The following SUPT3H variants were observed in gnomAD, a reference collection of about 807,000 sequenced individuals.
The protein encoded by SUPT3H is transcription initiation protein SPT3 homolog.
Under a neutral mutation model 44.3 loss-of-function variants are expected in SUPT3H, and 44 were observed. The ratio of observed to expected loss-of-function variants is 0.99; its 90% CI spans 0.78 to 1.28. SUPT3H has a LOEUF of 1.28. Among genes scored for constraint, SUPT3H ranks in the 50% most tolerant of loss-of-function variants. The probability of loss-of-function intolerance (pLI) is 0.00; values close to 1 mark genes in which losing one functional copy is unlikely to be tolerated. For missense variants in SUPT3H, 380 were observed against 387.1 expected, an observed-to-expected ratio of 0.98 and a Z score of 0.15; for synonymous variants, 124 against 125.6, an observed-to-expected ratio of 0.99 and a Z score of 0.09.
At chr6:45,167,965 C>A (rs1013911766) in intron 2 of SUPT3H, among the ~76,000 whole-genome samples, 5 of 152,114 alleles carry the variant, frequency 3.3e-5, no homozygotes, top group South Asian at 4.2e-4. Flanking sequence ...GAATGTGCTA[C>A]CATGTCTGGC....
chr6:44,853,953 C>T (rs1281712043), intron 10 of SUPT3H, among the ~76,000 whole-genome samples: 1 of 150,994 alleles, frequency 6.6e-6, no homozygotes, highest in Non-Finnish European at 1.5e-5. Context: ...TTTCCTGCAT[C>T]AGCTGGTTCT....
chr6:45,110,841 C>A (rs1389393261), intron 2 of SUPT3H, among the ~76,000 whole-genome samples: 1 of 152,112 alleles, frequency 6.6e-6, no homozygotes, highest in African/African-American at 2.4e-5. Context: ...GAAAGGCAGT[C>A]AACTCCAAAC....
chr6:45,339,831 G>C (rs1317129747), intron 2 of SUPT3H, among the ~76,000 whole-genome samples: 1 of 151,938 alleles, frequency 6.6e-6, no homozygotes, highest in Non-Finnish European at 1.5e-5. Context: ...AATTTTTATA[G>C]AGTATACCTT....
At chr6:45,191,583 T>C (rs913130488) in intron 2 of SUPT3H, among the ~76,000 whole-genome samples, 1 of 152,070 alleles carries the variant, frequency 6.6e-6, no homozygotes, top group Non-Finnish European at 1.5e-5. Flanking sequence ...AACATATCAA[T>C]ATTGGCTCAA....
chr6:45,273,178 T>C (rs1776480916), intron 2 of SUPT3H, among the ~76,000 whole-genome samples: 1 of 152,228 alleles, frequency 6.6e-6, no homozygotes, highest in Non-Finnish European at 1.5e-5. Context: ...TTGAGATATC[T>C]ATGGTATTGG....
At chr6:44,871,126 C>T (rs956370187) in intron 10 of SUPT3H, among the ~76,000 whole-genome samples, 17 of 150,232 alleles carry the variant, frequency 1.1e-4, no homozygotes, top group African/African-American at 3.7e-4. Flanking sequence ...CCGGGAAGCT[C>T]GAACTGGGTG....
intron 2 of SUPT3H, among the ~76,000 whole-genome samples, chr6:45,354,971 T>C (rs1479791305): frequency 3.9e-5 from 6 of 152,108 alleles, no homozygotes; most frequent in Non-Finnish European, 8.8e-5. Flanking sequence ...AAAGCCTTAA[T>C]AGCACTTTGA....
Position 44,829,844 on chromosome 6 carries a change from C to G in SUPT3H, c.926G>C (p.Arg309Thr). The change falls in exon 11 of 11, where the codon AGG becomes ACG. Residue 309 changes from arginine to threonine, a missense_variant. Transcript: ENST00000371459. ...PLSPFTNAYR[R>T]NGMAFLAC ...GCAGGCTAGAAAAGCCATCCCATTC[C>G]TGCGGTAGGCATTCTGTCAAAGAAA... is the stretch of plus-strand genomic sequence containing the variant. The G allele has an allele frequency of 6.2e-7, 1 of 1,613,264 alleles. No individual in the cohort carries two copies. Among genetic ancestry groups the G allele is most frequent in the Non-Finnish European group, 8.5e-7 (1 of 1,179,260 alleles).
intron 10 of SUPT3H, among the ~76,000 whole-genome samples, chr6:44,903,320 T>C (rs975810664): frequency 6.6e-6 from 1 of 151,868 alleles, no homozygotes; most frequent in Non-Finnish European, 1.5e-5. Context: ...AAGAATCAAA[T>C]AGACACAATA....
intron 10 of SUPT3H, 77 bp downstream of exon 10, chr6:44,932,576 T>C: frequency 9.8e-7 from 1 of 1,023,990 alleles, no homozygotes; most frequent in South Asian, 1.7e-5. Flanking sequence ...ATTCCATTGC[T>C]TCTTCATTTG....
At chr6:45,161,492 T>C (rs547329093) in intron 2 of SUPT3H, among the ~76,000 whole-genome samples, 1 of 152,336 alleles carries the variant, frequency 6.6e-6, no homozygotes, top group Non-Finnish European at 1.5e-5. Context: ...TGAACTCTTA[T>C]TGCATTTTCT....
rs755137133 is a variant in SUPT3H at position 45,365,710 on chromosome 6, G to T, written c.1-409C>A. On this transcript the variant is annotated intron_variant, in intron 1 of 10. Coordinates refer to ENST00000371459, the MANE Select transcript of SUPT3H (RefSeq NM_003599.4). ...ACACTCCCAGTTTCATTCAGGCCACGGAACAACCCTGATTTTTCTAGTTGA... is the reference window on the plus strand; with the variant it reads ...ACACTCCCAGTTTCATTCAGGCCACTGAACAACCCTGATTTTTCTAGTTGA... 2.0e-5 allele frequency among the ~76,000 whole-genome samples: 3 copies of T among 148,336 alleles called. No individual in the cohort carries two copies. The Admixed American group carries it at 2.1e-4, about 10-fold the overall frequency.
intron 2 of SUPT3H, among the ~76,000 whole-genome samples, chr6:45,155,160 C>T (rs1427698992): frequency 1.3e-5 from 2 of 152,160 alleles, no homozygotes. Flanking sequence ...CATAAATATT[C>T]TCATAAAATA....
intron 9 of SUPT3H, among the ~76,000 whole-genome samples, chr6:44,937,477 G>C (rs936796166): frequency 6.6e-6 from 1 of 151,150 alleles, no homozygotes; most frequent in Non-Finnish European, 1.5e-5. Context: ...CTGGGTACCA[G>C]AGTGAGACAC....
At chr6:44,884,164 G>T (rs1365399130) in intron 10 of SUPT3H, among the ~76,000 whole-genome samples, 1 of 151,994 alleles carries the variant, frequency 6.6e-6, no homozygotes, top group Admixed American at 6.6e-5. Context: ...AAATTTACAA[G>T]AAAAAAGCAA....
chr6:45,226,026 C>G (rs996896076), intron 2 of SUPT3H, among the ~76,000 whole-genome samples: 4 of 152,084 alleles, frequency 2.6e-5, no homozygotes, highest in African/African-American at 9.7e-5. Context: ...GACATATACA[C>G]CAATGCAATC....
intron 10 of SUPT3H, among the ~76,000 whole-genome samples, chr6:44,885,662 G>T (rs895935757): frequency 1.3e-5 from 2 of 152,048 alleles, no homozygotes; most frequent in Admixed American, 6.6e-5. Flanking sequence ...CACAAAGATG[G>T]GGAAAAAACA....
chr6:44,925,731 C>CA (rs1261597616), intron 10 of SUPT3H, among the ~76,000 whole-genome samples: 5 of 152,148 alleles, frequency 3.3e-5, no homozygotes, highest in African/African-American at 9.7e-5. Flanking sequence ...GACTACCCCT[C>CA]AGAGTTATTT....
chr6:45,003,213 G>C (rs997934331), intron 6 of SUPT3H, among the ~76,000 whole-genome samples: 4 of 152,110 alleles, frequency 2.6e-5, no homozygotes, highest in African/African-American at 9.7e-5. Flanking sequence ...TACTACCCTA[G>C]CTAGTAAGTC....
Sources: gnomAD v4.1 joint callset for allele counts (sites outside exome capture counted in the v4.1 genomes callset) on GRCh38, gnomAD v4.1.1 for gene constraint, MANE v1.5 for transcripts, NCBI Gene and HGNC (gene_info 2026-07-23, HGNC 2026-07-21) for gene names.